ASB2: variants seen among roughly 807,000 people sequenced by gnomAD.
ASB2 encodes ankyrin repeat and SOCS box protein 2.
Under a neutral mutation model 62.4 loss-of-function variants are expected in ASB2, and 58 were observed. That is an observed-to-expected ratio of 0.93 (90% CI 0.75 to 1.16). The LOEUF (loss-of-function observed/expected upper bound fraction) is 1.16, where lower values mean the gene tolerates loss of function less well. Among genes scored for constraint, ASB2 ranks in the 50% most tolerant of loss-of-function variants. ASB2 has a pLI of 0.00. For synonymous variants in ASB2, 386 were observed against 385.3 expected, an observed-to-expected ratio of 1.00 and a Z score of -0.02; for missense variants, 928 against 887.9, an observed-to-expected ratio of 1.05 and a Z score of -0.57.
chr14:93,950,579 G>T (rs749186294), intron 6 of ASB2, among the ~76,000 whole-genome samples: 1 of 152,204 alleles, frequency 6.6e-6, no homozygotes, highest in African/African-American at 2.4e-5. Context: ...TGGCCCTGAA[G>T]TGTGATGTGG....
intron 1 of ASB2, among the ~76,000 whole-genome samples, chr14:93,974,757 G>T (rs946629872): frequency 7.2e-5 from 11 of 152,222 alleles, no homozygotes; most frequent in Non-Finnish European, 2.9e-5. Flanking sequence ...GAAAATGGGA[G>T]TAACGATCAC....
Position 93,939,587 on chromosome 14 carries a change from T to A in ASB2, c.1138A>T (p.Asn380Tyr). The change falls in exon 8 of 10, where the codon AAC becomes TAC. Residue 380 changes from asparagine (N) to tyrosine (Y), a missense_variant. Coordinates refer to ENST00000555019, the MANE Select transcript of ASB2 (RefSeq NM_001202429.2). ...AGCGCCTCCAGCACCTCGTCGTGGT[T>A]GCGCTCGGCCGCCAGGTGCAGCGGA... ...VSPLHLAAER[N>Y]HDEVLEALLS... is the part of the protein sequence containing the mutation. 3 of 1,576,600 alleles carry A rather than the reference T, an allele frequency of 1.9e-6. No individual in the cohort carries two copies. Among genetic ancestry groups the A allele is most frequent in the Non-Finnish European group, 1.7e-6 (2 of 1,166,536 alleles).
chr14:93,962,325 G>T (rs574125408), intron 2 of ASB2, among the ~76,000 whole-genome samples: 1 of 151,820 alleles, frequency 6.6e-6, no homozygotes, highest in Non-Finnish European at 1.5e-5. Flanking sequence ...CGTTTTAGCC[G>T]GGATGGTCTC....
At chr14:93,957,524 G>T in intron 2 of ASB2, 1 of 413,624 alleles carries the variant, frequency 2.4e-6, no homozygotes, top group Non-Finnish European at 3.3e-6. Context: ...TTGGCTGTGT[G>T]ACGTGAGACA....
chr14:93,950,836 A>G (rs1332435208), intron 6 of ASB2, among the ~76,000 whole-genome samples, 163 bp downstream of exon 6: 1 of 152,172 alleles, frequency 6.6e-6, no homozygotes, highest in Non-Finnish European at 1.5e-5. Context: ...GCCTGGACAC[A>G]GCCTCAGCAT....
chr14:93,961,714 A>G (rs1889411819), intron 2 of ASB2, among the ~76,000 whole-genome samples: 1 of 152,196 alleles, frequency 6.6e-6, no homozygotes, highest in Non-Finnish European at 1.5e-5. Flanking sequence ...ATAAAAGTGA[A>G]CAAGGACTGT....
At chr14:93,962,341 C>T (rs1259889729) in intron 2 of ASB2, among the ~76,000 whole-genome samples, 1 of 152,050 alleles carries the variant, frequency 6.6e-6, no homozygotes, top group Non-Finnish European at 1.5e-5. Flanking sequence ...GTCTCGATCT[C>T]CCGACCTCGT....
At position 93,963,069 on chromosome 14, in the gene ASB2, C is replaced by T. The variant is rs1292723815; in HGVS notation, c.206+1265G>A. On this transcript the variant is annotated intron_variant, in intron 2 of 9. Coordinates refer to ENST00000555019, the MANE Select transcript of ASB2 (RefSeq NM_001202429.2). ...AAAGGGGCTCCTCAGCTCTGGGCCT[C>T]TGCCCAGCCAGCCTGACAGAGATGG... 5.9e-5 allele frequency among the ~76,000 whole-genome samples: 9 copies of T among 152,366 alleles called. No homozygotes were observed. The South Asian group carries it at 1.9e-3, about 32-fold the overall frequency.
rs2295213 is a variant in ASB2 at position 93,953,364 on chromosome 14, G to A, written c.622C>T (p.Pro208Ser). 9.5e-6 allele frequency: 15 copies of A among 1,586,484 alleles called. No individual in the cohort carries two copies. In the East Asian group the frequency reaches 3.4e-4, roughly 36 times the overall value. ...GTGGGGACCTCACCTTTGTAGAGCG[G>A]TGTCTCTCGGGATTTGTTGGAGATG... ...PDISNKSRET[P>S]LYKACERKNA... Residue 208 changes from proline to serine, a missense_variant, in exon 5 of 10, where the codon CCG becomes TCG. Physicochemically the swap from Pro to Ser is moderately conservative, Grantham distance 74. Coordinates refer to ENST00000555019, the MANE Select transcript of ASB2 (RefSeq NM_001202429.2).
intron 7 of ASB2, 170 bp from the exon 8 acceptor site, chr14:93,939,842 C>G: frequency 2.0e-6 from 1 of 511,486 alleles, no homozygotes; most frequent in Non-Finnish European, 3.3e-6. Context: ...CATTCTCACC[C>G]CACTGGGCAG....
chr14:93,952,085 G>A (rs1392416487), intron 5 of ASB2, among the ~76,000 whole-genome samples: 2 of 152,234 alleles, frequency 1.3e-5, no homozygotes, highest in African/African-American at 4.8e-5. Context: ...GAGACTGGCA[G>A]CAGGGGGAGG....
intron 2 of ASB2, among the ~76,000 whole-genome samples, chr14:93,962,414 T>C (rs1181469275): frequency 6.6e-6 from 1 of 152,198 alleles, no homozygotes; most frequent in African/African-American, 2.4e-5. Flanking sequence ...CCCAGCCTCC[T>C]TCCAGAGGCG....
intron 1 of ASB2, among the ~76,000 whole-genome samples, chr14:93,973,387 A>G (rs1889817168): frequency 6.6e-6 from 1 of 152,196 alleles, no homozygotes; most frequent in Non-Finnish European, 1.5e-5. Flanking sequence ...GCCACTCCAA[A>G]AAGAGAGCAA....
intron 4 of ASB2, 33 bp from the exon 5 acceptor site, chr14:93,953,540 A>G (rs756178699): frequency 1.9e-6 from 3 of 1,550,738 alleles, no homozygotes; most frequent in African/African-American, 2.7e-5. Context: ...TTCATGTAGG[A>G]GAAAGATACT....
intron 7 of ASB2, chr14:93,944,206 G>A (rs1397479116): frequency 3.0e-6 from 1 of 330,714 alleles, no homozygotes; most frequent in Non-Finnish European, 6.0e-6. Flanking sequence ...ACTGTTTTGG[G>A]TGCTATTCTT....
At chr14:93,958,084 A>C (rs1385235280) in intron 2 of ASB2, among the ~76,000 whole-genome samples, 2 of 152,122 alleles carry the variant, frequency 1.3e-5, no homozygotes, top group Non-Finnish European at 2.9e-5. Context: ...TGGCAGGAGG[A>C]GGGGAACCTG....
At chr14:93,941,585 C>T in intron 7 of ASB2, 1 of 454,756 alleles carries the variant, frequency 2.2e-6, no homozygotes, top group Middle Eastern at 3.3e-4. Flanking sequence ...TGACTTTGCT[C>T]TGCAGAGGTG....
chr14:93,958,348 T>C (rs1889297728), intron 2 of ASB2, among the ~76,000 whole-genome samples: 1 of 152,146 alleles, frequency 6.6e-6, no homozygotes, highest in Non-Finnish European at 1.5e-5. Flanking sequence ...CAGGGTCACC[T>C]TCAGCATGAC....
At chr14:93,953,638 GC>G (rs1889062011) in intron 4 of ASB2, 131 bp from the exon 5 acceptor site, 1 of 781,996 alleles carries the variant, frequency 1.3e-6, no homozygotes, top group African/African-American at 1.8e-5. Flanking sequence ...ACTACAGACT[GC>G]ATTCATCTGG....
Sources: allele counts gnomAD v4.1 joint callset (sites outside exome capture counted in the v4.1 genomes callset), GRCh38; gene constraint gnomAD v4.1.1; transcripts MANE v1.5; gene names NCBI Gene and HGNC (gene_info 2026-07-23, HGNC 2026-07-21).